RGS7: variants seen among roughly 807,000 people sequenced by gnomAD.
RGS7 encodes regulator of G-protein signaling 7.
Under a neutral mutation model 81.1 loss-of-function variants are expected in RGS7, and 27 were observed. The ratio of observed to expected loss-of-function variants is 0.33; its 90% CI spans 0.25 to 0.46. The LOEUF (loss-of-function observed/expected upper bound fraction) is 0.46, where lower values mean the gene tolerates loss of function less well. RGS7 is among the 20% of genes least tolerant of loss of function. RGS7 has a pLI of 1.00. For missense variants in RGS7, 396 were observed against 607.4 expected (o/e 0.65, Z 3.66); for synonymous variants, 208 against 207.7 (o/e 1.00, Z -0.01).
At position 240,776,221 on chromosome 1, in the gene RGS7, A is replaced by AAT. The variant is rs1682899190; in HGVS notation, c.*7-10_*7-9dup. The AAT allele has an allele frequency of 6.2e-7, 1 of 1,602,174 alleles. No homozygotes were observed. The highest frequency in any genetic ancestry group is 1.1e-5 in the South Asian group (1 of 90,826). ...GGACGTGAGAGATTTCCCCTGAGAA[A>AAT]ATATATAAAACAAGAGAAAAGAAAG... On this transcript the variant is annotated splice_polypyrimidine_tract_variant and intron_variant, in intron 18 of 18. Coordinates refer to ENST00000440928, the MANE Select transcript of RGS7 (RefSeq NM_001364886.1).
At chr1:241,275,454 G>A (rs539473897) in intron 2 of RGS7, among the ~76,000 whole-genome samples, 1 of 152,070 alleles carries the variant, frequency 6.6e-6, no homozygotes. Context: ...AGACTTGGTC[G>A]CCTTGGCTTC....
At chr1:241,037,057 A>C (rs1223321898) in intron 3 of RGS7, among the ~76,000 whole-genome samples, 1 of 152,208 alleles carries the variant, frequency 6.6e-6, no homozygotes, top group Admixed American at 6.5e-5. Context: ...TGTCATAATA[A>C]ATCATTATGA....
chr1:240,982,547 A>G (rs1049984624), intron 4 of RGS7, among the ~76,000 whole-genome samples: 2 of 152,044 alleles, frequency 1.3e-5, no homozygotes, highest in African/African-American at 4.8e-5. Context: ...GTTTTCTGCT[A>G]CAGAATAGAC....
chr1:241,251,946 C>T (rs554531515), intron 2 of RGS7, among the ~76,000 whole-genome samples: 11 of 152,240 alleles, frequency 7.2e-5, no homozygotes, highest in Admixed American at 5.9e-4. Context: ...CACAGATTTG[C>T]ATGGTGGGGC....
At chr1:241,053,748 G>A (rs1001433004) in intron 3 of RGS7, among the ~76,000 whole-genome samples, 4 of 152,220 alleles carry the variant, frequency 2.6e-5, no homozygotes, top group Non-Finnish European at 5.9e-5. Context: ...CCCGGTGGGA[G>A]ATAACTGAAT....
At chr1:240,813,875 G>A (rs1690322709) in intron 12 of RGS7, 147 bp from the exon 13 acceptor site, 1 of 664,314 alleles carries the variant, frequency 1.5e-6, no homozygotes, top group African/African-American at 1.8e-5. Context: ...TCACGCTTCA[G>A]TAACTTTCAT....
intron 2 of RGS7, among the ~76,000 whole-genome samples, chr1:241,321,184 T>C (rs1219958019): frequency 6.6e-6 from 1 of 152,252 alleles, no homozygotes; most frequent in Non-Finnish European, 1.5e-5. Flanking sequence ...AAATTTCTTC[T>C]TAAATTGTAT....
At chr1:241,077,647 T>C (rs2062877575) in intron 3 of RGS7, among the ~76,000 whole-genome samples, 1 of 152,236 alleles carries the variant, frequency 6.6e-6, no homozygotes, top group African/African-American at 2.4e-5. Flanking sequence ...TCTCTGTTTC[T>C]GTTCTGTTTT....
chr1:241,080,473 T>C (rs1202695705), intron 3 of RGS7, among the ~76,000 whole-genome samples: 1 of 152,046 alleles, frequency 6.6e-6, no homozygotes, highest in Non-Finnish European at 1.5e-5. Flanking sequence ...TTGCAATAGA[T>C]TAACTACCTA....
intron 2 of RGS7, among the ~76,000 whole-genome samples, chr1:241,116,897 C>G (rs2065918558): frequency 6.6e-6 from 1 of 152,058 alleles, no homozygotes. Flanking sequence ...TCTTCTAATA[C>G]ACATTATTTA....
At chr1:241,211,655 AG>A (rs2074250580) in intron 2 of RGS7, among the ~76,000 whole-genome samples, 2 of 152,356 alleles carry the variant, frequency 1.3e-5, no homozygotes, top group African/African-American at 4.8e-5. Context: ...ATCTTCTACA[AG>A]GAATTGAACT....
chr1:240,890,370 C>G (rs1668095796), intron 6 of RGS7, among the ~76,000 whole-genome samples: 1 of 152,166 alleles, frequency 6.6e-6, no homozygotes, highest in Non-Finnish European at 1.5e-5. Context: ...CCCAAATGGT[C>G]TCGATCTCTT....
intron 2 of RGS7, among the ~76,000 whole-genome samples, chr1:241,124,276 T>TC (rs942850778): frequency 2.7e-5 from 4 of 150,824 alleles, no homozygotes; most frequent in Admixed American, 1.3e-4. Context: ...ACGCCTATAG[T>TC]CCCAGCTACC....
chr1:241,160,125 AAAAAAGAAAAAG>A (rs1209388816), intron 2 of RGS7, among the ~76,000 whole-genome samples: 20 of 141,414 alleles, frequency 1.4e-4, no homozygotes, highest in South Asian at 4.3e-4. Flanking sequence ...AAAAAAAAAA[AAAAAAGAAAAAG>A]AAAAAGAAAA....
At chr1:241,223,048 T>C (rs2075107698) in intron 2 of RGS7, among the ~76,000 whole-genome samples, 1 of 152,214 alleles carries the variant, frequency 6.6e-6, no homozygotes, top group Admixed American at 6.5e-5. Flanking sequence ...GCACATTTTC[T>C]TTATCCAGTC....
At chr1:240,877,812 C>G (rs1285893646) in intron 6 of RGS7, among the ~76,000 whole-genome samples, 1 of 152,174 alleles carries the variant, frequency 6.6e-6, no homozygotes, top group African/African-American at 2.4e-5. Flanking sequence ...AGGGCCCATG[C>G]ACCTTTCAAG....
intron 3 of RGS7, among the ~76,000 whole-genome samples, chr1:241,048,680 C>T (rs2061081919): frequency 6.6e-6 from 1 of 152,242 alleles, no homozygotes; most frequent in South Asian, 2.1e-4. Flanking sequence ...TGAGGTTCCT[C>T]TGTGCCTCCT....
intron 18 of RGS7, among the ~76,000 whole-genome samples, chr1:240,779,097 CTTTG>C (rs766195582): frequency 1.2e-4 from 12 of 100,548 alleles, no homozygotes; most frequent in Admixed American, 9.0e-4. Flanking sequence ...GATTAGTGTT[CTTTG>C]TGTGTGTGTG....
At chr1:240,920,007 C>A in intron 6 of RGS7, 1 of 1,287,284 alleles carries the variant, frequency 7.8e-7, no homozygotes, top group Non-Finnish European at 1.1e-6. Context: ...AGAAGAACAT[C>A]ACCTAAGAGA....
Sources: allele counts gnomAD v4.1 joint callset (sites outside exome capture counted in the v4.1 genomes callset), GRCh38; gene constraint gnomAD v4.1.1; transcripts MANE v1.5; gene names NCBI Gene and HGNC (gene_info 2026-07-23, HGNC 2026-07-21).